AGO2: variants seen among roughly 807,000 people sequenced by gnomAD.
AGO2 encodes the protein argonaute RISC catalytic component 2.
AGO2 carries 5 observed loss-of-function variants against 102.3 expected under a neutral mutation model. The ratio of observed to expected loss-of-function variants is 0.05; its 90% confidence interval spans 0.03 to 0.10. The LOEUF is 0.10. Ranked by LOEUF, AGO2 falls within the 10% of genes least tolerant of loss-of-function variation. The pLI, the probability that AGO2 is intolerant of heterozygous loss-of-function variation, is 1.00. For synonymous variants in AGO2, 449 were observed against 473.1 expected (o/e 0.95, Z 0.66); for missense variants, 541 against 1,183.7 (o/e 0.46, Z 7.97).
intron 3 of AGO2, among the ~76,000 whole-genome samples, chr8:140,571,078 G>A (rs1419058394): frequency 6.6e-6 from 1 of 152,220 alleles, no homozygotes; most frequent in African/African-American, 2.4e-5. Flanking sequence ...TTTGCAAGGG[G>A]TGATCGTGCT....
At chr8:140,629,359 G>T (rs538906097) in intron 1 of AGO2, among the ~76,000 whole-genome samples, 63 of 151,828 alleles carry the variant, frequency 4.1e-4, no homozygotes, top group African/African-American at 1.4e-3. Context: ...AGGCGCCCGT[G>T]CCCGGGGCCA....
At chr8:140,564,534 A>G in intron 3 of AGO2, among the ~76,000 whole-genome samples, 1 of 152,262 alleles carries the variant, frequency 6.6e-6, no homozygotes, top group Admixed American at 6.5e-5. Flanking sequence ...TCTCCTCAGC[A>G]TGAAGACAGA....
intron 16 of AGO2, among the ~76,000 whole-genome samples, chr8:140,538,965 G>A (rs2072744470): frequency 6.6e-6 from 1 of 152,174 alleles, no homozygotes; most frequent in African/African-American, 2.4e-5. Context: ...TTAACCAGGT[G>A]TGGTGGTGCA....
At chr8:140,537,493 G>A (rs530780959) in intron 16 of AGO2, among the ~76,000 whole-genome samples, 1 of 152,062 alleles carries the variant, frequency 6.6e-6, no homozygotes. Context: ...TTCGAGATGG[G>A]GTTTCACTTT....
intron 1 of AGO2, among the ~76,000 whole-genome samples, chr8:140,587,193 C>T (rs1258594351): frequency 3.3e-5 from 5 of 152,134 alleles, no homozygotes; most frequent in African/African-American, 7.2e-5. Flanking sequence ...GCATGGGAGG[C>T]GGGAAACCTG....
chr8:140,631,813 G>A (rs1156450549), intron 1 of AGO2, among the ~76,000 whole-genome samples: 1 of 152,176 alleles, frequency 6.6e-6, no homozygotes, highest in Non-Finnish European at 1.5e-5. Flanking sequence ...GAGGTAAAAT[G>A]ACAGGTCTGC....
chr8:140,598,326 G>A (rs1325510003), intron 1 of AGO2, among the ~76,000 whole-genome samples: 1 of 152,216 alleles, frequency 6.6e-6, no homozygotes, highest in Non-Finnish European at 1.5e-5. Context: ...GGACTCAACA[G>A]GAAGCAGACG....
rs57015344 is a variant in AGO2 at position 140,565,652 on chromosome 8, AAAGAAG to A, written c.337-3024_337-3019del. Among the ~76,000 whole-genome samples, 105 of 150,320 alleles carry A rather than the reference AAAGAAG, an allele frequency of 7.0e-4. 2 individuals carry two copies. Among genetic ancestry groups the A allele is most frequent in the Admixed American group, 2.8e-3 (43 of 15,188 alleles). On this transcript the variant is annotated intron_variant, in intron 3 of 18. Transcript: ENST00000220592. The stretch of plus-strand genomic sequence containing the variant: ...GTGAGACTCTGTCTCAAAAAAAAAA[AAAGAAG>A]AAGAAGAAGAATAAACTATATAATA...
At position 140,589,640 on chromosome 8, in the gene AGO2, C is replaced by A. The variant is rs548145106; in HGVS notation, c.23-4329G>T. ...ATTACACTGGGCATCAGCCAGAAAA[C>A]GTGCAGGCCAAAGAAAGTGAGAAGG... On this transcript the variant is annotated intron_variant, in intron 1 of 18. Transcript: ENST00000220592. The surrounding 1 kb of genome is among the most constrained non-coding windows in gnomAD (Gnocchi z 4.2). Among the ~76,000 whole-genome samples the A allele has an allele frequency of 1.8e-4, 27 of 152,256 alleles. No homozygotes were observed. Among genetic ancestry groups the A allele is most frequent in the African/African-American group, 6.0e-4 (25 of 41,546 alleles).
intron 2 of AGO2, among the ~76,000 whole-genome samples, chr8:140,573,999 C>T (rs1389543062): frequency 6.6e-6 from 1 of 152,194 alleles, no homozygotes; most frequent in Non-Finnish European, 1.5e-5. Context: ...TGGTATGAGA[C>T]GGATGCTTGC....
At chr8:140,552,247 T>A (rs1047631002) in intron 10 of AGO2, among the ~76,000 whole-genome samples, 4 of 152,202 alleles carry the variant, frequency 2.6e-5, no homozygotes, top group African/African-American at 9.7e-5. Flanking sequence ...TGCAGCTGTG[T>A]CGGAAACGGG....
intron 1 of AGO2, among the ~76,000 whole-genome samples, chr8:140,612,940 C>T (rs1413794294): frequency 6.6e-6 from 1 of 151,982 alleles, no homozygotes; most frequent in Non-Finnish European, 1.5e-5. Flanking sequence ...TGGCTCGCGT[C>T]TTTAATCCCA....
intron 1 of AGO2, among the ~76,000 whole-genome samples, chr8:140,624,903 C>T (rs1205775834): frequency 2.6e-5 from 4 of 152,304 alleles, no homozygotes; most frequent in Admixed American, 6.5e-5. Flanking sequence ...ATGCTGGAGG[C>T]GGGGGATAGT....
intron 16 of AGO2, among the ~76,000 whole-genome samples, chr8:140,538,362 G>A (rs937913673): frequency 7.9e-5 from 12 of 152,192 alleles, no homozygotes; most frequent in African/African-American, 2.9e-4. Context: ...TCCTTTCTGG[G>A]CAGGTCTCTT....
intron 2 of AGO2, among the ~76,000 whole-genome samples, chr8:140,574,136 C>T (rs926028940): frequency 6.6e-6 from 1 of 150,838 alleles, no homozygotes; most frequent in Non-Finnish European, 1.5e-5. Context: ...CCCTCCACCC[C>T]CCAACCCCCA....
At chr8:140,631,947 T>C (rs2074347910) in intron 1 of AGO2, among the ~76,000 whole-genome samples, 1 of 152,212 alleles carries the variant, frequency 6.6e-6, no homozygotes, top group Non-Finnish European at 1.5e-5. Context: ...CACTCTACTT[T>C]TATGTCTTTT....
intron 1 of AGO2, among the ~76,000 whole-genome samples, chr8:140,586,885 T>C (rs1461049561): frequency 6.6e-6 from 1 of 152,078 alleles, no homozygotes; most frequent in African/African-American, 2.4e-5. Context: ...CACGCTCCTC[T>C]CGGGGAGGAG....
chr8:140,595,628 ATT>A (rs1491461227), intron 1 of AGO2, among the ~76,000 whole-genome samples: 2 of 109,330 alleles, frequency 1.8e-5, no homozygotes, highest in East Asian at 2.4e-4. Context: ...ATATATATAT[ATT>A]ATATATATAT....
At chr8:140,551,530 C>G in intron 10 of AGO2, 94 bp from the exon 11 acceptor site, 1 of 1,329,050 alleles carries the variant, frequency 7.5e-7, no homozygotes. Flanking sequence ...TCCCCCTGAC[C>G]AACAACTGCT....
Sources: allele counts gnomAD v4.1 joint callset (sites outside exome capture counted in the v4.1 genomes callset), GRCh38; gene constraint gnomAD v4.1.1; non-coding constraint Gnocchi (gnomAD v3.1); transcripts MANE v1.5; gene names NCBI Gene and HGNC (gene_info 2026-07-23, HGNC 2026-07-21).